ANO5: variants seen among roughly 807,000 people sequenced by gnomAD.
ANO5 encodes anoctamin 5, also known as anoctamin-5.
ANO5 carries 109 observed loss-of-function variants against 121.0 expected under a neutral mutation model. The ratio of observed to expected loss-of-function variants is 0.90; its 90% CI spans 0.77 to 1.06. The LOEUF is 1.06. ANO5 is among the 50% of genes least tolerant of loss of function. The probability of loss-of-function intolerance (pLI) is 0.00; values close to 1 mark genes in which losing one functional copy is unlikely to be tolerated. For synonymous variants in ANO5, 406 were observed against 359.9 expected (o/e 1.13, Z -1.45); for missense variants, 1,064 against 1,078.5 (o/e 0.99, Z 0.19).
intron 1 of ANO5, among the ~76,000 whole-genome samples, chr11:22,197,775 G>A (rs1851856124): frequency 6.6e-6 from 1 of 152,152 alleles, no homozygotes; most frequent in African/African-American, 2.4e-5. Flanking sequence ...CTTTTGGCAA[G>A]TATTTGATGA....
In ANO5 at chr11:22,211,249, C is replaced by A. The variant is rs1335122060; in HGVS notation, c.88-15C>A. 1 of 1,611,382 alleles carries A rather than the reference C, an allele frequency of 6.2e-7. No individual in the cohort carries two copies. Among genetic ancestry groups the A allele is most frequent in the Non-Finnish European group, 8.5e-7 (1 of 1,178,174 alleles). On this transcript the variant is annotated splice_polypyrimidine_tract_variant and intron_variant, in intron 2 of 21. Transcript: ENST00000324559. ...CTATTAATAATAGCATTATATCTTCCCCTGGTACTGTTAGCAGAGCCTGAG... is the reference window on the plus strand; with the variant it reads ...CTATTAATAATAGCATTATATCTTCACCTGGTACTGTTAGCAGAGCCTGAG...
rs1174194140 is a variant in ANO5, at chr11:22,282,137, T to A, written c.*2372T>A. 1 of 152,154 alleles carries A rather than the reference T, an allele frequency of 6.6e-6. No individual in the cohort carries two copies. The highest frequency in any genetic ancestry group is 2.4e-5 in the African/African-American group (1 of 41,456). 9.4% of individuals were successfully genotyped at this position (152,154 alleles called of 1,614,324 possible). On this transcript the variant is annotated 3_prime_UTR_variant, in exon 22 of 22. Transcript: ENST00000324559. ...CAACCACCACATGTAAGTTGATAAT[T>A]ACCAGCATGGCAGGTGATTTTATCT...
rs534971457 is a variant in ANO5, at chr11:22,230,758, C to A, written c.648+3172C>A. 2.7e-3 allele frequency among the ~76,000 whole-genome samples: 417 copies of A among 151,990 alleles called. 3 individuals are homozygous for A. Among genetic ancestry groups the A allele is most frequent in the African/African-American group, 9.6e-3 (397 of 41,470 alleles). The stretch of plus-strand genomic sequence containing the variant: ...GTATCCCTTTTCCCATGAACAGCAC[C>A]TCCATTCAGGCATCAGCAAGAAGCC... On this transcript the variant is annotated intron_variant, in intron 7 of 21. Coordinates refer to ENST00000324559, the MANE Select transcript of ANO5 (RefSeq NM_213599.3).
chr11:22,241,782 G>A (rs1438423059), intron 9 of ANO5, among the ~76,000 whole-genome samples: 1 of 152,016 alleles, frequency 6.6e-6, no homozygotes, highest in Non-Finnish European at 1.5e-5. Context: ...CATAGATTCT[G>A]GATATTAGAC....
chr11:22,252,104 T>G (rs1175456298), intron 12 of ANO5, among the ~76,000 whole-genome samples: 1 of 42,554 alleles, frequency 2.3e-5, no homozygotes, highest in Non-Finnish European at 4.6e-5. Context: ...TCAAAATTTG[T>G]AGTATGTTTG....
intron 1 of ANO5, among the ~76,000 whole-genome samples, chr11:22,195,522 A>G (rs1851783188): frequency 6.6e-6 from 1 of 152,012 alleles, no homozygotes; most frequent in Non-Finnish European, 1.5e-5. Context: ...TCTGACTCCC[A>G]GGCTCAAGCG....
intron 12 of ANO5, among the ~76,000 whole-genome samples, chr11:22,252,044 A>C (rs1853839171): frequency 2.3e-5 from 3 of 132,912 alleles, no homozygotes; most frequent in South Asian, 4.4e-4. Context: ...AAAAAAAAAA[A>C]AAAAAAAAAA....
chr11:22,257,248 C>A (rs900099337), intron 13 of ANO5, among the ~76,000 whole-genome samples: 2 of 152,056 alleles, frequency 1.3e-5, no homozygotes, highest in East Asian at 1.9e-4. Flanking sequence ...TGTGGAAGAA[C>A]ACAGTTTATC....
At chr11:22,266,798 G>A (rs1166853467) in intron 17 of ANO5, among the ~76,000 whole-genome samples, 1 of 152,012 alleles carries the variant, frequency 6.6e-6, no homozygotes, top group African/African-American at 2.4e-5. Context: ...TCTTAGTTGT[G>A]GGGTGTGGGT....
intron 17 of ANO5, among the ~76,000 whole-genome samples, chr11:22,266,784 T>A (rs1057013976): frequency 1.3e-5 from 2 of 152,178 alleles, no homozygotes; most frequent in East Asian, 3.9e-4. Flanking sequence ...ATTACTGATA[T>A]AATTCTTAGT....
chr11:22,251,017 T>C lies in ANO5; in HGVS notation c.1180+6T>C, dbSNP rs746314556. 7 of 1,607,204 alleles carry C rather than the reference T, an allele frequency of 4.4e-6. No homozygotes were observed. Among genetic ancestry groups the C allele is most frequent in the Non-Finnish European group, 5.9e-6 (7 of 1,176,524 alleles). On this transcript the variant is annotated splice_donor_region_variant and intron_variant, in intron 12 of 21. Transcript: ENST00000324559. ...AATATTCATGGGAATTTGGGGTGAG[T>C]AAATAGTCCCATAAAGAAACAGCTT...
chr11:22,267,634 T>TGTTAG (rs57909961), intron 17 of ANO5, among the ~76,000 whole-genome samples: 1 of 150,894 alleles, frequency 6.6e-6, no homozygotes, highest in South Asian at 2.1e-4. Flanking sequence ...TTTTTTTAAC[T>TGTTAG]GTTCAGAGGT....
chr11:22,220,060 T>C (rs565272455), intron 4 of ANO5, among the ~76,000 whole-genome samples: 2 of 151,890 alleles, frequency 1.3e-5, no homozygotes, highest in Non-Finnish European at 2.9e-5. Flanking sequence ...TATTTGCATA[T>C]AACTGATCCT....
At chr11:22,238,561 A>G (rs1362123921) in intron 8 of ANO5, among the ~76,000 whole-genome samples, 1 of 151,950 alleles carries the variant, frequency 6.6e-6, no homozygotes, top group African/African-American at 2.4e-5. Context: ...TATGTGCTTT[A>G]CAGAATCATT....
At position 22,257,744 on chromosome 11, in the gene ANO5, T is replaced by G; in HGVS notation, c.1397T>G (p.Val466Gly). The change falls in exon 14 of 22, where the codon GTG becomes GGG. Residue 466 changes from valine (V) to glycine (G), a missense_variant. Physicochemically the swap from Val to Gly is moderately radical, Grantham distance 109. Coordinates refer to ENST00000324559, the MANE Select transcript of ANO5 (RefSeq NM_213599.3). ...TGGTACTTTCTTTCAGGAGCCACAGTGACATTATGGGTGAGCATTTCTTTA... is the reference window on the plus strand; with the variant it reads ...TGGTACTTTCTTTCAGGAGCCACAGGGACATTATGGGTGAGCATTTCTTTA... ...IPWYFLSGAT[V>G]TLWMSLVVTS... The G allele has an allele frequency of 6.2e-7, 1 of 1,610,926 alleles. No homozygotes were observed. Among genetic ancestry groups the G allele is most frequent in the South Asian group, 1.1e-5 (1 of 91,024 alleles).
At chr11:22,270,471 A>G in intron 18 of ANO5, 29 bp downstream of exon 18, 1 of 1,613,396 alleles carries the variant, frequency 6.2e-7, no homozygotes, top group Non-Finnish European at 8.5e-7. Flanking sequence ...TTTGAAACAT[A>G]GAGTTGGCAT....
At chr11:22,232,026 C>T (rs1054875824) in intron 7 of ANO5, among the ~76,000 whole-genome samples, 10 of 151,980 alleles carry the variant, frequency 6.6e-5, no homozygotes, top group Admixed American at 6.6e-5. Flanking sequence ...TGTCTCCTCT[C>T]GTTCACTATT....
chr11:22,197,161 T>G lies in ANO5; in HGVS notation c.40+3629T>G, dbSNP rs118164466. On this transcript the variant is annotated intron_variant, in intron 1 of 21. Coordinates refer to ENST00000324559, the MANE Select transcript of ANO5 (RefSeq NM_213599.3). ...CATTTTGCCTTTTAGACTTAATAGA[T>G]CTAAGATTTATTACATCTTCTCTAC... is the stretch of plus-strand genomic sequence containing the variant. Among the ~76,000 whole-genome samples, 880 of 152,274 alleles carry G rather than the reference T, an allele frequency of 5.8e-3. 25 individuals are homozygous for G. The highest frequency in any genetic ancestry group is 0.016 in the East Asian group (83 of 5,182).
At chr11:22,229,778 T>TTTAAAG (rs1350871548) in intron 7 of ANO5, among the ~76,000 whole-genome samples, 1 of 152,050 alleles carries the variant, frequency 6.6e-6, no homozygotes, top group African/African-American at 2.4e-5. Context: ...TTAGTCGAAT[T>TTTAAAG]CAACTTTAAA....
Sources: gnomAD v4.1 joint callset for allele counts (sites outside exome capture counted in the v4.1 genomes callset) on GRCh38, gnomAD v4.1.1 for gene constraint, MANE v1.5 for transcripts, NCBI Gene and HGNC (gene_info 2026-07-23, HGNC 2026-07-21) for gene names.